ADGRE1: variants seen among roughly 807,000 people sequenced by gnomAD.
The protein encoded by ADGRE1 is adhesion G protein-coupled receptor E1, also known as EGF-like module receptor 1.
A neutral mutation model predicts 102.7 loss-of-function variants in ADGRE1; 82 were observed. That is an observed-to-expected ratio of 0.80 (90% confidence interval 0.67 to 0.96). The LOEUF is 0.96. Among genes scored for constraint, ADGRE1 ranks in the 40% least tolerant of loss-of-function variants. ADGRE1 has a pLI of 0.00. For synonymous variants in ADGRE1, 398 were observed against 399.6 expected (o/e 1.00, Z 0.05); for missense variants, 1,032 against 1,085.3 (o/e 0.95, Z 0.69).
intron 14 of ADGRE1, among the ~76,000 whole-genome samples, chr19:6,924,239 C>T (rs1167915602): frequency 2.0e-5 from 3 of 152,012 alleles, no homozygotes; most frequent in African/African-American, 7.2e-5. Flanking sequence ...GAAATTGCTG[C>T]TGTCATTTTG....
At chr19:6,897,355 G>A in intron 4 of ADGRE1, 51 bp downstream of exon 4, 1 of 1,610,670 alleles carries the variant, frequency 6.2e-7, no homozygotes, top group Non-Finnish European at 8.5e-7. Flanking sequence ...ATCTATCAGT[G>A]GGGTGAGTTC....
intron 17 of ADGRE1, among the ~76,000 whole-genome samples, chr19:6,933,228 A>C (rs1220758535): frequency 1.3e-5 from 2 of 152,202 alleles, no homozygotes; most frequent in Admixed American, 6.5e-5. Flanking sequence ...TCTCAATAAT[A>C]ATAGTAATGC....
Position 6,901,801 on chromosome 19 carries a change from G to A in ADGRE1, c.515-74G>A, listed in dbSNP as rs1440191399. 3 of 1,485,680 alleles carry A rather than the reference G, an allele frequency of 2.0e-6. No homozygotes were observed. In the African/African-American group the frequency reaches 4.2e-5, roughly 21 times the overall value. The allele number at this position is 1,485,680 out of a possible 1,614,324, so 92.0% of individuals were successfully genotyped here. A position where few individuals can be genotyped will look rare whatever the true frequency, so the allele number is the denominator to read the frequency against. On this transcript the variant is annotated intron_variant, in intron 5 of 20. Coordinates refer to ENST00000312053, the MANE Select transcript of ADGRE1 (RefSeq NM_001974.5). ...TCTGCTGAAAATCAACACTCAGAGT[G>A]CATCTCCTATTTGTAGTCTCTACTC...
At chr19:6,939,097 G>A (rs1358258919) in intron 20 of ADGRE1, among the ~76,000 whole-genome samples, 1 of 152,068 alleles carries the variant, frequency 6.6e-6, no homozygotes, top group East Asian at 1.9e-4. Flanking sequence ...CGCCCAGCTG[G>A]TCTATTTTCA....
chr19:6,921,963 G>GT (rs1223069121), intron 14 of ADGRE1, 80 bp downstream of exon 14: 29 of 1,493,400 alleles, frequency 1.9e-5, no homozygotes, highest in Non-Finnish European at 2.4e-5. Flanking sequence ...AACATCTGTT[G>GT]TGTGTCTCCC....
At chr19:6,901,743 G>A (rs1413965126) in intron 5 of ADGRE1, 132 bp from the exon 6 acceptor site, 2 of 936,806 alleles carry the variant, frequency 2.1e-6, no homozygotes, top group Non-Finnish European at 3.3e-6. Flanking sequence ...GGGAAGAAGG[G>A]GGGAACATGG....
intron 2 of ADGRE1, among the ~76,000 whole-genome samples, chr19:6,894,737 T>A (rs1217096398): frequency 6.6e-6 from 1 of 151,822 alleles, no homozygotes; most frequent in African/African-American, 2.4e-5. Context: ...TGGTGTGGAG[T>A]AGAAGATTGT....
At chr19:6,935,110 T>TAA (rs1160969) in intron 18 of ADGRE1, 32 bp downstream of exon 18, 1,177,052 of 1,519,956 alleles carry the variant, frequency 0.77, 458,796 homozygotes, top group Non-Finnish European at 0.8. Context: ...CCCCCTCTTT[T>TAA]AATTTCCTCT....
At position 6,897,198 on chromosome 19, in the gene ADGRE1, C is replaced by G. The variant is rs1973589079; in HGVS notation, c.288C>G (p.Ser96=). The G allele has an allele frequency of 6.2e-7, 1 of 1,612,584 alleles. No homozygotes were observed. Among genetic ancestry groups the G allele is most frequent in the Admixed American group, 1.7e-5 (1 of 59,754 alleles). ...CCCAGCCCTGTGGTCCTAACTCATC[C>G]TGCAAAAACCTGTCAGGGAGGTACA... The part of the protein sequence containing the change: ...QSPQPCGPNS[S]CKNLSGRYKC... The change falls in exon 4 of 21, where the codon TCC becomes TCG. Residue 96 remains serine (S), a synonymous_variant. Coordinates refer to ENST00000312053, the MANE Select transcript of ADGRE1 (RefSeq NM_001974.5).
In ADGRE1 at chr19:6,939,158, A is replaced by C. The variant is rs544342247; in HGVS notation, c.2656-866A>C. ...GGTTAAGTCCAGTGATTTCAGAATGAGCCACAGGAATCACCCCACTGGAAA... is the reference window on the plus strand; with the variant it reads ...GGTTAAGTCCAGTGATTTCAGAATGCGCCACAGGAATCACCCCACTGGAAA... On this transcript the variant is annotated intron_variant, in intron 20 of 20. Coordinates refer to ENST00000312053, the MANE Select transcript of ADGRE1 (RefSeq NM_001974.5). 4.6e-5 allele frequency among the ~76,000 whole-genome samples: 7 copies of C among 152,268 alleles called. No homozygotes were observed. The South Asian group carries it at 1.5e-3, about 32-fold the overall frequency.
chr19:6,901,770 G>T, intron 5 of ADGRE1, 105 bp from the exon 6 acceptor site: 1 of 1,189,884 alleles, frequency 8.4e-7, no homozygotes, highest in Non-Finnish European at 1.2e-6. Context: ...GGGAGCATCA[G>T]CCCTGTCTGC....
chr19:6,904,334 C>A (rs1394192440), intron 8 of ADGRE1, 152 bp downstream of exon 8: 1 of 1,087,596 alleles, frequency 9.2e-7, no homozygotes, highest in Non-Finnish European at 1.3e-6. Context: ...ACTCTTTCAA[C>A]AAATGATTTT....
chr19:6,937,691 T>C, intron 20 of ADGRE1, 43 bp downstream of exon 20: 2 of 1,587,630 alleles, frequency 1.3e-6, no homozygotes, highest in Non-Finnish European at 1.7e-6. Flanking sequence ...TCGAGGGAGG[T>C]GCCGGCCTCT....
chr19:6,932,243 C>T (rs907286209), intron 17 of ADGRE1, among the ~76,000 whole-genome samples: 3 of 151,788 alleles, frequency 2.0e-5, no homozygotes, highest in Non-Finnish European at 4.4e-5. Context: ...CTGAGGCAGG[C>T]GGATCACGAG....
In ADGRE1 at chr19:6,926,490, G is replaced by A; in HGVS notation, c.2111G>A (p.Ser704Asn). ...VRNLKVVNYF[S>N]SRNIKMLHIC... ...AACCTGAAGGTGGTGAATTACTTCAGCTCTCGCAACATCAAGATGCTGCAC... is the reference window on the plus strand; with the variant it reads ...AACCTGAAGGTGGTGAATTACTTCAACTCTCGCAACATCAAGATGCTGCAC... The change falls in exon 16 of 21, where the codon AGC becomes AAC. Residue 704 changes from serine (S) to asparagine (N), a missense_variant. By Grantham distance (46) the Ser-to-Asn change is conservative (BLOSUM62 1). Transcript: ENST00000312053. The A allele has an allele frequency of 1.2e-6, 2 of 1,614,210 alleles. No homozygotes were observed. Among genetic ancestry groups the A allele is most frequent in the East Asian group, 4.5e-5 (2 of 44,894 alleles).
At chr19:6,926,155 T>C (rs252563) in intron 15 of ADGRE1, among the ~76,000 whole-genome samples, 150,634 of 152,332 alleles carry the variant, frequency 0.99, 74,498 homozygotes, top group Middle Eastern at 1. Flanking sequence ...TGGGAAATCT[T>C]AGGTCCAGAC....
In ADGRE1 at chr19:6,933,058, T is replaced by A. The variant is rs149104470; in HGVS notation, c.2290-1929T>A. ...CAACATGGTGAAACCCCATCTCTAC[T>A]GAAAATACAAAATTTAGCCAGGTGT... On this transcript the variant is annotated intron_variant, in intron 17 of 20. Transcript: ENST00000312053. Among the ~76,000 whole-genome samples, 54 of 152,154 alleles carry A rather than the reference T, an allele frequency of 3.5e-4. 1 individual carries two copies. Among genetic ancestry groups the A allele is most frequent in the Middle Eastern group, 3.4e-3 (1 of 294 alleles).
chr19:6,937,535 C>T lies in ADGRE1; in HGVS notation c.2551-9C>T. 5 of 1,613,558 alleles carry T rather than the reference C, an allele frequency of 3.1e-6. No individual in the cohort carries two copies. Among genetic ancestry groups the T allele is most frequent in the Non-Finnish European group, 4.2e-6 (5 of 1,179,800 alleles). On this transcript the variant is annotated splice_polypyrimidine_tract_variant and intron_variant, in intron 19 of 20. Transcript: ENST00000312053. ...TCCCTGCATCTGGATGATGTGTCTC[C>T]TTCTCCAGGTACGAGAAGAATACAA...
chr19:6,935,052 C>G lies in ADGRE1; in HGVS notation c.2355C>G (p.Ala785=). The G allele has an allele frequency of 3.1e-6, 5 of 1,601,414 alleles. No individual in the cohort carries two copies. The highest frequency in any genetic ancestry group is 1.1e-5 in the South Asian group (1 of 89,354). ...GGCAGAGGCTTTCCAGTGTTAATGC[C>G]GAAGTCTCAACGCTAAAAGACACCA... is the stretch of plus-strand genomic sequence containing the variant. The part of the protein sequence containing the change: ...ILRQRLSSVN[A]EVSTLKDTRL... Residue 785 remains alanine, a synonymous_variant, in exon 18 of 21, where the codon GCC becomes GCG. Coordinates refer to ENST00000312053, the MANE Select transcript of ADGRE1 (RefSeq NM_001974.5).
Sources: gnomAD v4.1 joint callset for allele counts (sites outside exome capture counted in the v4.1 genomes callset) on GRCh38, gnomAD v4.1.1 for gene constraint, MANE v1.5 for transcripts, NCBI Gene and HGNC (gene_info 2026-07-23, HGNC 2026-07-21) for gene names.